Variants in SRGAP2C observed in about 807,000 individuals in gnomAD.
SRGAP2C encodes SLIT-ROBO Rho GTPase-activating protein 2C.
A neutral mutation model predicts 25.1 loss-of-function variants in SRGAP2C; 15 were observed. That is an observed-to-expected ratio of 0.60 (90% CI 0.40 to 0.92). The LOEUF (loss-of-function observed/expected upper bound fraction) is 0.92, where lower values mean the gene tolerates loss of function less well. SRGAP2C is among the 40% of genes least tolerant of loss of function. SRGAP2C has a pLI of 0.00. For synonymous variants in SRGAP2C, 44 were observed against 96.6 expected (o/e 0.46, Z 3.19); for missense variants, 144 against 264.4 (o/e 0.54, Z 3.16).
chr1:121,265,903 A>G (rs1553334205), intron 2 of SRGAP2C, among the ~76,000 whole-genome samples: 1 of 151,668 alleles, frequency 6.6e-6, no homozygotes, highest in African/African-American at 2.4e-5. Context: ...ACTGTTTTTT[A>G]TGCTTCTAGT....
intron 2 of SRGAP2C, among the ~76,000 whole-genome samples, chr1:121,267,979 A>G (rs1656842699): frequency 6.6e-6 from 1 of 151,072 alleles, no homozygotes; most frequent in African/African-American, 2.4e-5. Context: ...CCATCACCCA[A>G]AAAACAGCTC....
chr1:121,328,906 C>A (rs1416738121), intron 4 of SRGAP2C, among the ~76,000 whole-genome samples: 6,395 of 119,140 alleles, frequency 0.054, 539 homozygotes, highest in African/African-American at 0.15. Context: ...AAAAAAAAAA[C>A]AAAAAACAAA....
chr1:121,244,416 A>T, intron 2 of SRGAP2C, among the ~76,000 whole-genome samples: 1 of 110,584 alleles, frequency 9.0e-6, no homozygotes. Context: ...ATATTTTCCT[A>T]CAGTTGGTTT....
At chr1:121,285,987 G>A (rs1657355665) in intron 3 of SRGAP2C, among the ~76,000 whole-genome samples, 2 of 152,158 alleles carry the variant, frequency 1.3e-5, no homozygotes, top group Admixed American at 6.5e-5. Flanking sequence ...AATAGCTGAT[G>A]AGCTTAAAAA....
intron 3 of SRGAP2C, among the ~76,000 whole-genome samples, chr1:121,291,128 G>A (rs1657483211): frequency 2.3e-5 from 3 of 129,762 alleles, no homozygotes; most frequent in African/African-American, 5.8e-5. Context: ...AAAAAAAGTG[G>A]GGGGAGTGGA....
At chr1:121,191,941 C>T (rs1441112175) in intron 2 of SRGAP2C, among the ~76,000 whole-genome samples, 12 of 146,500 alleles carry the variant, frequency 8.2e-5, no homozygotes, top group African/African-American at 2.1e-4. Context: ...AGTGTGTGTG[C>T]ACCACAGAGC....
chr1:121,305,901 G>C (rs1274929191), intron 3 of SRGAP2C, among the ~76,000 whole-genome samples: 272 of 150,994 alleles, frequency 1.8e-3, no homozygotes, highest in Admixed American at 4.2e-3. Flanking sequence ...CTTAGCAAAG[G>C]CTGGTTTTTA....
chr1:121,208,799 T>A (rs1655179676), intron 2 of SRGAP2C, among the ~76,000 whole-genome samples: 1 of 152,240 alleles, frequency 6.6e-6, no homozygotes, highest in East Asian at 1.9e-4. Flanking sequence ...ATGAAATTCC[T>A]TGCATTTTTA....
rs1660124835 is a variant in SRGAP2C at position 121,392,415 on chromosome 1, CTAAGAGATGTT to C, written c.*4565_*4575del. The C allele has an allele frequency of 6.6e-6, 1 of 151,312 alleles. No individual in the cohort carries two copies. Among genetic ancestry groups the C allele is most frequent in the Admixed American group, 6.6e-5 (1 of 15,188 alleles). The allele number at this position is 151,312 out of a possible 1,614,324, so 9.4% of individuals were successfully genotyped here. ...TCTTTTCTTTCAATTTTCTCAATTACTAAGAGATGTTTAAGTACCCTTAGCATGTTAGTAGA... is the reference window on the plus strand; with the variant it reads ...TCTTTTCTTTCAATTTTCTCAATTACTAAGTACCCTTAGCATGTTAGTAGA... On this transcript the variant is annotated 3_prime_UTR_variant, in exon 10 of 10. Transcript: ENST00000367123.
chr1:121,270,779 T>G (rs1553335170), intron 2 of SRGAP2C, among the ~76,000 whole-genome samples: 1 of 145,654 alleles, frequency 6.9e-6, no homozygotes, highest in African/African-American at 2.6e-5. Flanking sequence ...ATTTCAATAT[T>G]TAAGAGATAA....
chr1:121,319,693 C>CA (rs1473113630), intron 3 of SRGAP2C, among the ~76,000 whole-genome samples: 1 of 144,810 alleles, frequency 6.9e-6, no homozygotes, highest in Non-Finnish European at 1.5e-5. Context: ...GATGTACAGG[C>CA]AGCATGTGAC....
At chr1:121,291,071 A>G (rs1234923469) in intron 3 of SRGAP2C, among the ~76,000 whole-genome samples, 2 of 137,518 alleles carry the variant, frequency 1.5e-5, no homozygotes, top group African/African-American at 5.4e-5. Context: ...ACAGAAGGCC[A>G]GGATGAAGGT....
chr1:121,263,238 C>A (rs1455404810), intron 2 of SRGAP2C, among the ~76,000 whole-genome samples: 2 of 150,564 alleles, frequency 1.3e-5, no homozygotes, highest in African/African-American at 4.9e-5. Context: ...GCATGGGAAT[C>A]GCTTGAGCCC....
chr1:121,319,481 G>T (rs2101605090), intron 3 of SRGAP2C, among the ~76,000 whole-genome samples: 1 of 145,984 alleles, frequency 6.9e-6, no homozygotes, highest in South Asian at 2.2e-4. Context: ...TAATAGAGAG[G>T]CCAACTTGGA....
intron 6 of SRGAP2C, 131 bp from the exon 7 acceptor site, chr1:121,374,695 C>G (rs1659590537): frequency 8.2e-6 from 5 of 611,814 alleles, no homozygotes; most frequent in Non-Finnish European, 1.5e-5. Context: ...AATTAGAACC[C>G]AATTTAAGGC....
At chr1:121,233,139 T>C (rs1395977721) in intron 2 of SRGAP2C, among the ~76,000 whole-genome samples, 2 of 140,038 alleles carry the variant, frequency 1.4e-5, no homozygotes, top group African/African-American at 2.7e-5. Flanking sequence ...GATCTCCCCC[T>C]TGGTTCTTTT....
chr1:121,196,433 T>C (rs1265344449), intron 2 of SRGAP2C, among the ~76,000 whole-genome samples: 1 of 84,798 alleles, frequency 1.2e-5, no homozygotes, highest in East Asian at 5.1e-4. Context: ...AGATCTCATA[T>C]GGCATTGATC....
intron 2 of SRGAP2C, among the ~76,000 whole-genome samples, chr1:121,218,959 A>G (rs1655464886): frequency 6.6e-6 from 1 of 152,110 alleles, no homozygotes; most frequent in Non-Finnish European, 1.5e-5. Context: ...CCAGATTTTT[A>G]AGCTCCACCA....
At chr1:121,289,407 C>T (rs1312259154) in intron 3 of SRGAP2C, among the ~76,000 whole-genome samples, 1 of 151,904 alleles carries the variant, frequency 6.6e-6, no homozygotes, top group Non-Finnish European at 1.5e-5. Flanking sequence ...GAGTGCGGGG[C>T]CCACCAAGCC....
Sources: gnomAD v4.1 joint callset for allele counts (sites outside exome capture counted in the v4.1 genomes callset) on GRCh38, gnomAD v4.1.1 for gene constraint, MANE v1.5 for transcripts, NCBI Gene and HGNC (gene_info 2026-07-23, HGNC 2026-07-21) for gene names.